The following PRKN variants were observed in gnomAD, a reference collection of about 807,000 sequenced individuals.
The protein encoded by PRKN is E3 ubiquitin-protein ligase parkin.
In PRKN, 56 loss-of-function variants were observed where a neutral mutation model predicts 59.5. That is an observed-to-expected ratio of 0.94 (90% CI 0.76 to 1.18). The LOEUF is 1.18. PRKN is among the 50% of genes most tolerant of loss of function. The pLI is 0.00. For synonymous variants in PRKN, 250 were observed against 222.1 expected (o/e 1.13, Z -1.12); for missense variants, 657 against 596.4 (o/e 1.10, Z -1.06).
intron 2 of PRKN, among the ~76,000 whole-genome samples, chr6:162,368,622 G>C (rs12529785): frequency 1.3e-5 from 2 of 152,146 alleles, no homozygotes; most frequent in African/African-American, 4.8e-5. Context: ...TGACAGAAAT[G>C]CTTATGCAAA....
intron 4 of PRKN, among the ~76,000 whole-genome samples, chr6:162,079,887 G>C (rs1954934): frequency 1.3e-5 from 2 of 151,964 alleles, no homozygotes; most frequent in Middle Eastern, 3.2e-3. Context: ...GCTGCATTTA[G>C]GTTATGTTTA....
At chr6:162,308,237 G>A (rs757203172) in intron 2 of PRKN, among the ~76,000 whole-genome samples, 4 of 152,088 alleles carry the variant, frequency 2.6e-5, no homozygotes, top group Middle Eastern at 3.2e-3. Flanking sequence ...GCATATTCAT[G>A]CATCTCTGCT....
chr6:162,424,689 C>A (rs1789140706), intron 2 of PRKN, among the ~76,000 whole-genome samples: 1 of 150,496 alleles, frequency 6.6e-6, no homozygotes, highest in South Asian at 2.1e-4. Context: ...GAGCCGAGAT[C>A]ACGCCACTGT....
rs545624851 is a variant in PRKN, at chr6:161,793,862, C to A, written c.735-7954G>T. Among the ~76,000 whole-genome samples the A allele has an allele frequency of 6.7e-4, 102 of 152,202 alleles. 1 individual carries two copies. The highest frequency in any genetic ancestry group is 6.2e-3 in the Admixed American group (95 of 15,280). On this transcript the variant is annotated intron_variant, in intron 6 of 11. Coordinates refer to ENST00000366898, the MANE Select transcript of PRKN (RefSeq NM_004562.3). Reference sequence around the variant, plus strand: ...ACAAAGGATTATGAAAATATAAATTCTCTATCTCCTTTCCTAAGAGTTCCC... The same window carrying A: ...ACAAAGGATTATGAAAATATAAATTATCTATCTCCTTTCCTAAGAGTTCCC...
At chr6:161,580,800 A>C (rs1032248504) in intron 7 of PRKN, among the ~76,000 whole-genome samples, 1 of 152,024 alleles carries the variant, frequency 6.6e-6, no homozygotes, top group African/African-American at 2.4e-5. Context: ...TTAAGCAAGC[A>C]CTTATCAACT....
intron 1 of PRKN, among the ~76,000 whole-genome samples, chr6:162,585,225 A>G (rs1037514882): frequency 5.3e-5 from 8 of 151,998 alleles, no homozygotes; most frequent in African/African-American, 1.9e-4. Context: ...GGACTATATT[A>G]GAAATTAACT....
At chr6:161,916,808 CTTTT>C (rs761940319) in intron 6 of PRKN, among the ~76,000 whole-genome samples, 2 of 151,662 alleles carry the variant, frequency 1.3e-5, no homozygotes, top group Non-Finnish European at 2.9e-5. Context: ...TTTTCTTTTT[CTTTT>C]TTTTGAGGCG....
In PRKN at chr6:161,720,051, T is replaced by C. The variant is rs2128184972; in HGVS notation, c.871+65721A>G. On this transcript the variant is annotated intron_variant, in intron 7 of 11. Coordinates refer to ENST00000366898, the MANE Select transcript of PRKN (RefSeq NM_004562.3). ...CCGTGGTTCTGCTTCCTGGTCTTACTAGGATTACAGCACAACAAACCAACA... is the reference window on the plus strand; with the variant it reads ...CCGTGGTTCTGCTTCCTGGTCTTACCAGGATTACAGCACAACAAACCAACA... Among the ~76,000 whole-genome samples the C allele has an allele frequency of 1.3e-5, 2 of 152,274 alleles. 1 individual carries two copies. Among genetic ancestry groups the C allele is most frequent in the Middle Eastern group, 6.8e-3 (2 of 294 alleles).
chr6:161,653,074 T>C (rs148185925), intron 7 of PRKN, among the ~76,000 whole-genome samples: 2 of 152,314 alleles, frequency 1.3e-5, no homozygotes, highest in East Asian at 3.9e-4. Context: ...CTACATAAGA[T>C]ACAAATTGGC....
chr6:161,925,636 A>C (rs868582646), intron 6 of PRKN, among the ~76,000 whole-genome samples: 5 of 152,342 alleles, frequency 3.3e-5, no homozygotes, highest in Non-Finnish European at 5.9e-5. Flanking sequence ...AGGAAGATCC[A>C]TTTTATACTT....
intron 2 of PRKN, among the ~76,000 whole-genome samples, chr6:162,353,015 G>A (rs1784688721): frequency 6.6e-6 from 1 of 152,122 alleles, no homozygotes; most frequent in Admixed American, 6.6e-5. Context: ...TTTCAATGCT[G>A]TATTTTATTT....
chr6:161,509,432 A>G (rs1014217623), intron 9 of PRKN, among the ~76,000 whole-genome samples: 1 of 152,090 alleles, frequency 6.6e-6, no homozygotes, highest in Non-Finnish European at 1.5e-5. Context: ...GCCAGGGAGG[A>G]GCCTGGAGAA....
chr6:162,536,677 G>A (rs73591867), intron 1 of PRKN, among the ~76,000 whole-genome samples: 3,568 of 152,090 alleles, frequency 0.023, 151 homozygotes, highest in African/African-American at 0.08. Context: ...AATGATGAAG[G>A]TCTCTGCTAC....
intron 9 of PRKN, among the ~76,000 whole-genome samples, chr6:161,477,897 C>T (rs1300858742): frequency 6.6e-6 from 1 of 152,050 alleles, no homozygotes; most frequent in Non-Finnish European, 1.5e-5. Context: ...GACAAGATGG[C>T]GACCAGTCTC....
intron 9 of PRKN, among the ~76,000 whole-genome samples, chr6:161,439,970 T>G (rs1027524852): frequency 2.7e-4 from 37 of 138,516 alleles, no homozygotes; most frequent in African/African-American, 9.4e-4. Context: ...TTTTTTTTTT[T>G]GACGGAGTCT....
At chr6:162,437,079 G>A (rs1007137894) in intron 2 of PRKN, among the ~76,000 whole-genome samples, 6 of 146,026 alleles carry the variant, frequency 4.1e-5, no homozygotes, top group Admixed American at 2.0e-4. Context: ...GCGACAGAGC[G>A]AGACTCTGTC....
chr6:161,877,760 G>GC (rs1223957900), intron 6 of PRKN, among the ~76,000 whole-genome samples: 4 of 151,944 alleles, frequency 2.6e-5, no homozygotes, highest in Non-Finnish European at 5.9e-5. Flanking sequence ...GAGCCACCAC[G>GC]CCCGGCCCAT....
chr6:161,620,980 G>C (rs905602054), intron 7 of PRKN, among the ~76,000 whole-genome samples: 1 of 152,144 alleles, frequency 6.6e-6, no homozygotes, highest in Non-Finnish European at 1.5e-5. Context: ...TATCCAGGGG[G>C]ATTCTGGCAA....
chr6:161,777,179 G>A (rs375369436), intron 7 of PRKN, among the ~76,000 whole-genome samples: 1 of 152,256 alleles, frequency 6.6e-6, no homozygotes, highest in African/African-American at 2.4e-5. Flanking sequence ...TTCAATGGAG[G>A]TTTATGAGTA....
Sources: allele counts gnomAD v4.1 joint callset (sites outside exome capture counted in the v4.1 genomes callset), GRCh38; gene constraint gnomAD v4.1.1; transcripts MANE v1.5; gene names NCBI Gene and HGNC (gene_info 2026-07-23, HGNC 2026-07-21).